TBC1D8: variants seen among roughly 807,000 people sequenced by gnomAD.
TBC1D8 encodes the protein BUB2-like protein 1.
A neutral mutation model predicts 118.8 loss-of-function variants in TBC1D8; 65 were observed. The observed-to-expected ratio is 0.55, with a 90% CI of 0.45 to 0.67. The LOEUF is 0.67. Among genes scored for constraint, TBC1D8 ranks in the 30% least tolerant of loss-of-function variants. The pLI, the probability that TBC1D8 is intolerant of heterozygous loss-of-function variation, is 0.00. For missense variants in TBC1D8, 1,376 were observed against 1,471.2 expected (o/e 0.94, Z 1.06); for synonymous variants, 566 against 595.8 (o/e 0.95, Z 0.73).
At chr2:101,017,934 G>T (rs1487099211) in intron 17 of TBC1D8, 2 of 1,550,450 alleles carry the variant, frequency 1.3e-6, no homozygotes, top group Admixed American at 3.9e-5. Context: ...GAAAGCAAAT[G>T]GCATTTTCTT....
intron 8 of TBC1D8, among the ~76,000 whole-genome samples, chr2:101,036,637 A>T (rs977734377): frequency 1.3e-5 from 2 of 152,140 alleles, no homozygotes; most frequent in African/African-American, 4.8e-5. Flanking sequence ...CCAGAGGGAA[A>T]ACTGAAACCT....
At position 101,079,340 on chromosome 2, in the gene TBC1D8, G is replaced by A. The variant is rs1026466592; in HGVS notation, c.283+10869C>T. Among the ~76,000 whole-genome samples the A allele has an allele frequency of 2.6e-5, 4 of 152,248 alleles. No individual in the cohort carries two copies. In the South Asian group the frequency reaches 8.3e-4, roughly 32 times the overall value. ...GTAACCTATAAGACACTAGAGAAAA[G>A]TCTGATTCCAGGCTTAAAAATTGGT... On this transcript the variant is annotated intron_variant, in intron 2 of 19. Coordinates refer to ENST00000409318, the MANE Select transcript of TBC1D8 (RefSeq NM_001330348.2).
Position 101,008,123 on chromosome 2 carries a change from A to G in TBC1D8, c.3166T>C (p.Ser1056Pro), listed in dbSNP as rs1372148803. 5 of 1,613,760 alleles carry G rather than the reference A, an allele frequency of 3.1e-6. No homozygotes were observed. The African/African-American group carries it at 6.7e-5, about 22-fold the overall frequency. The change falls in exon 20 of 20, where the codon TCC becomes CCC. Residue 1056 changes from serine (S) to proline (P), a missense_variant. Transcript: ENST00000409318. ...CGCAGCTCCTCCCCACACTCCTGGG[A>G]GCAGCTTCCAGAGCTGCTGCCTCGC... ...GQRGSSSGSC[S>P]QECGEELRAS...
At chr2:101,023,638 G>A (rs147752355) in intron 15 of TBC1D8, 29 of 431,874 alleles carry the variant, frequency 6.7e-5, no homozygotes, top group African/African-American at 5.9e-4. Context: ...TTTTTTTAAG[G>A]TGAGTTGAAG....
At chr2:101,094,322 T>C (rs571042928) in intron 1 of TBC1D8, among the ~76,000 whole-genome samples, 3 of 152,230 alleles carry the variant, frequency 2.0e-5, no homozygotes, top group South Asian at 2.1e-4. Flanking sequence ...GCTCAGTGAT[T>C]AGGAACATCA....
chr2:101,017,379 G>A (rs1679732526), intron 17 of TBC1D8, among the ~76,000 whole-genome samples: 1 of 152,160 alleles, frequency 6.6e-6, no homozygotes, highest in South Asian at 2.1e-4. Flanking sequence ...GGTGTTACAT[G>A]TAATTTTATA....
At chr2:101,037,460 A>G in intron 8 of TBC1D8, 72 bp downstream of exon 8, 1 of 1,561,074 alleles carries the variant, frequency 6.4e-7, no homozygotes, top group South Asian at 1.2e-5. Flanking sequence ...ATGGTGACTC[A>G]GACAGCTGGG....
chr2:101,016,154 A>C (rs1679617602), intron 17 of TBC1D8, among the ~76,000 whole-genome samples: 1 of 152,258 alleles, frequency 6.6e-6, no homozygotes. Context: ...AAATGGGAGA[A>C]AATTTTCGCA....
At chr2:101,075,047 T>C (rs1483589403) in intron 2 of TBC1D8, among the ~76,000 whole-genome samples, 1 of 152,206 alleles carries the variant, frequency 6.6e-6, no homozygotes, top group African/African-American at 2.4e-5. Flanking sequence ...AAGATGAGCA[T>C]TTCACAGCTT....
intron 10 of TBC1D8, chr2:101,032,718 C>A: frequency 4.5e-6 from 1 of 224,070 alleles, no homozygotes; most frequent in Non-Finnish European, 8.8e-6. Flanking sequence ...CGTGCACACA[C>A]AAACTTAATT....
At chr2:101,069,088 A>G (rs1407988084) in intron 2 of TBC1D8, among the ~76,000 whole-genome samples, 1 of 151,394 alleles carries the variant, frequency 6.6e-6, no homozygotes, top group East Asian at 1.9e-4. Flanking sequence ...TCATGAGAGC[A>G]GGAGTTCGGA....
chr2:101,066,633 C>T (rs1683029972), intron 2 of TBC1D8, among the ~76,000 whole-genome samples: 1 of 152,100 alleles, frequency 6.6e-6, no homozygotes, highest in Non-Finnish European at 1.5e-5. Context: ...AAGTAAGTCA[C>T]ACAAATGTTT....
At chr2:101,037,407 C>T (rs1408081649) in intron 8 of TBC1D8, 125 bp downstream of exon 8, 27 of 1,346,408 alleles carry the variant, frequency 2.0e-5, no homozygotes, top group African/African-American at 4.4e-5. Flanking sequence ...GAGAACAAGA[C>T]GGAGGAGGAG....
intron 1 of TBC1D8, among the ~76,000 whole-genome samples, chr2:101,132,257 C>T (rs546828056): frequency 1.3e-5 from 2 of 152,266 alleles, no homozygotes; most frequent in Admixed American, 1.3e-4. Context: ...TACACACACA[C>T]ACACCTTTTC....
chr2:101,028,346 T>C lies in TBC1D8; in HGVS notation c.2309A>G (p.Tyr770Cys), dbSNP rs1212360154. The change falls in exon 13 of 20, where the codon TAC becomes TGC. Residue 770 changes from tyrosine (Y) to cysteine (C), a missense_variant. By Grantham distance (194) the Tyr-to-Cys change is radical. Coordinates refer to ENST00000409318, the MANE Select transcript of TBC1D8 (RefSeq NM_001330348.2). ...CAGGTCCGAAATATCAGTCACAGGGTAGGGCTCCTGGTCGTCGGAGAAAAA... is the reference window on the plus strand; with the variant it reads ...CAGGTCCGAAATATCAGTCACAGGGCAGGGCTCCTGGTCGTCGGAGAAAAA... ...HAFFSDDQEP[Y>C]PVTDISDLIR... 4 of 1,612,842 alleles carry C rather than the reference T, an allele frequency of 2.5e-6. No homozygotes were observed. The highest frequency in any genetic ancestry group is 2.5e-6 in the Non-Finnish European group (3 of 1,179,442).
chr2:101,130,359 G>C (rs545162332), intron 1 of TBC1D8, among the ~76,000 whole-genome samples: 1 of 152,172 alleles, frequency 6.6e-6, no homozygotes, highest in Admixed American at 6.5e-5. Flanking sequence ...CTGCAGGGTC[G>C]CAGAGGGCTA....
intron 1 of TBC1D8, among the ~76,000 whole-genome samples, chr2:101,102,590 T>G (rs565723521): frequency 6.8e-6 from 1 of 147,112 alleles, no homozygotes; most frequent in Admixed American, 6.8e-5. Flanking sequence ...CAGAAGAAAC[T>G]CATTTAAGAC....
At chr2:101,012,431 A>G (rs1679286415) in intron 17 of TBC1D8, among the ~76,000 whole-genome samples, 2 of 152,230 alleles carry the variant, frequency 1.3e-5, no homozygotes, top group African/African-American at 4.8e-5. Flanking sequence ...GCTAGGTGAG[A>G]GAAGTCGAAC....
intron 18 of TBC1D8, 155 bp downstream of exon 18, chr2:101,011,296 C>T: frequency 1.3e-6 from 1 of 790,008 alleles, no homozygotes; most frequent in Non-Finnish European, 2.0e-6. Context: ...CCACTAGGAG[C>T]ACTTCTGTCC....
Sources: allele counts gnomAD v4.1 joint callset (sites outside exome capture counted in the v4.1 genomes callset), GRCh38; gene constraint gnomAD v4.1.1; transcripts MANE v1.5; gene names NCBI Gene and HGNC (gene_info 2026-07-23, HGNC 2026-07-21).